Variants in TRAPPC3L observed in about 807,000 individuals in gnomAD.
TRAPPC3L encodes trafficking protein particle complex subunit 3-like protein.
Under a neutral mutation model 23.7 loss-of-function variants are expected in TRAPPC3L, and 23 were observed. The ratio of observed to expected loss-of-function variants is 0.97; its 90% CI spans 0.70 to 1.37. The LOEUF (loss-of-function observed/expected upper bound fraction) is 1.37. Ranked by LOEUF, TRAPPC3L falls within the 40% of genes most tolerant of loss-of-function variation. The pLI, the probability that TRAPPC3L is intolerant of heterozygous loss-of-function variation, is 0.00. For missense variants in TRAPPC3L, 212 were observed against 216.8 expected (o/e 0.98, Z 0.14); for synonymous variants, 81 against 77.9 (o/e 1.04, Z -0.21).
intron 3 of TRAPPC3L, among the ~76,000 whole-genome samples, chr6:116,528,209 AG>A (rs1772506015): frequency 6.6e-6 from 1 of 152,238 alleles, no homozygotes; most frequent in Non-Finnish European, 1.5e-5. Flanking sequence ...TAAAAGTTTA[AG>A]GGTAATTCCT....
chr6:116,501,121 T>A (rs1043277737), intron 3 of TRAPPC3L, among the ~76,000 whole-genome samples: 1 of 152,222 alleles, frequency 6.6e-6, no homozygotes, highest in Non-Finnish European at 1.5e-5. Context: ...TTGGAGGAAC[T>A]GTACACTTCT....
chr6:116,528,811 G>A (rs573627557), intron 3 of TRAPPC3L, among the ~76,000 whole-genome samples: 2 of 152,280 alleles, frequency 1.3e-5, no homozygotes, highest in South Asian at 2.1e-4. Context: ...TTTTAATATA[G>A]TATGTTGAAA....
intron 3 of TRAPPC3L, among the ~76,000 whole-genome samples, chr6:116,535,008 C>A (rs1009989894): frequency 6.6e-6 from 1 of 152,056 alleles, no homozygotes; most frequent in Non-Finnish European, 1.5e-5. Flanking sequence ...TTGACATGGA[C>A]CTGAGAGCAA....
intron 3 of TRAPPC3L, chr6:116,516,211 AG>A: frequency 2.1e-6 from 1 of 475,878 alleles, no homozygotes; most frequent in Non-Finnish European, 3.5e-6. Flanking sequence ...ATTGGTGGAG[AG>A]GGGCTCAGTA....
At chr6:116,508,796 C>G (rs1200130603) in intron 3 of TRAPPC3L, among the ~76,000 whole-genome samples, 1 of 152,132 alleles carries the variant, frequency 6.6e-6, no homozygotes, top group Non-Finnish European at 1.5e-5. Flanking sequence ...ACTTTCACCA[C>G]TTCTATTCAA....
intron 3 of TRAPPC3L, chr6:116,512,213 C>T: frequency 6.2e-7 from 1 of 1,602,822 alleles, no homozygotes; most frequent in Non-Finnish European, 8.5e-7. Context: ...AGAACTGAAA[C>T]TCTCCCTTCA....
At position 116,509,571 on chromosome 6, in the gene TRAPPC3L, G is replaced by A. The variant is rs530246168; in HGVS notation, c.241-8905C>T. On this transcript the variant is annotated intron_variant, in intron 3 of 4. Coordinates refer to ENST00000368602, the MANE Select transcript of TRAPPC3L (RefSeq NM_001139444.3). ...GACAAAGCATACAAAAACATAAACT[G>A]GGGAAAGGACACTGTATCCATTAAA... Among the ~76,000 whole-genome samples the A allele has an allele frequency of 7.2e-5, 11 of 152,214 alleles. No homozygotes were observed. The East Asian group carries it at 2.1e-3, about 29-fold the overall frequency.
intron 3 of TRAPPC3L, chr6:116,516,670 T>A (rs1583271526): frequency 7.6e-5 from 3 of 39,250 alleles, no homozygotes; most frequent in Non-Finnish European, 1.8e-4. Context: ...AATATATATA[T>A]ATATATATAT....
At chr6:116,499,946 T>C (rs368330484) in intron 4 of TRAPPC3L, among the ~76,000 whole-genome samples, 30 of 152,352 alleles carry the variant, frequency 2.0e-4, no homozygotes, top group Middle Eastern at 3.4e-3. Context: ...GTTAAACCAA[T>C]GAATAATTCA....
intron 3 of TRAPPC3L, chr6:116,516,177 G>T: frequency 1.5e-6 from 1 of 678,310 alleles, no homozygotes; most frequent in Non-Finnish European, 2.2e-6. Context: ...AATTGATGCT[G>T]AGGGGTGACA....
At chr6:116,538,345 A>G (rs1296703214) in intron 3 of TRAPPC3L, among the ~76,000 whole-genome samples, 1 of 152,226 alleles carries the variant, frequency 6.6e-6, no homozygotes, top group Admixed American at 6.5e-5. Context: ...CTCTGACCCT[A>G]CATCGTGTGA....
At chr6:116,503,252 C>A (rs1771948245) in intron 3 of TRAPPC3L, among the ~76,000 whole-genome samples, 1 of 151,792 alleles carries the variant, frequency 6.6e-6, no homozygotes, top group Non-Finnish European at 1.5e-5. Flanking sequence ...AGACTTTAAA[C>A]CAACAAAGAT....
intron 3 of TRAPPC3L, among the ~76,000 whole-genome samples, chr6:116,526,859 G>T (rs978819429): frequency 6.6e-6 from 1 of 151,990 alleles, no homozygotes; most frequent in African/African-American, 2.4e-5. Flanking sequence ...GTCCACTTAG[G>T]TTTGTTTTAA....
rs1328153449 is a variant in TRAPPC3L, at chr6:116,495,564, T to C, written c.*1390A>G. On this transcript the variant is annotated 3_prime_UTR_variant, in exon 5 of 5. Coordinates refer to ENST00000368602, the MANE Select transcript of TRAPPC3L (RefSeq NM_001139444.3). ...GGATTGCTGGATCATATGATCATTC[T>C]ATTTTTTGTTTTTTGAGGAACCTCC... 1 of 152,166 alleles carries C rather than the reference T, an allele frequency of 6.6e-6. No individual in the cohort carries two copies. Among genetic ancestry groups the C allele is most frequent in the Non-Finnish European group, 1.5e-5 (1 of 68,032 alleles). The allele number at this position is 152,166 out of a possible 1,614,324, so 9.4% of individuals were successfully genotyped here. A position where few individuals can be genotyped will look rare whatever the true frequency, so the allele number is the denominator to read the frequency against.
intron 3 of TRAPPC3L, among the ~76,000 whole-genome samples, chr6:116,512,559 G>C (rs181211194): frequency 6.6e-6 from 1 of 152,326 alleles, no homozygotes; most frequent in Admixed American, 6.5e-5. Context: ...CATAAATTGA[G>C]TGTTAATGGC....
chr6:116,509,091 T>TAAA (rs56112495), intron 3 of TRAPPC3L, among the ~76,000 whole-genome samples: 42 of 128,008 alleles, frequency 3.3e-4, no homozygotes, highest in Middle Eastern at 3.7e-3. Flanking sequence ...ATAAGAGTTG[T>TAAA]AAAAAAAAAA....
chr6:116,517,068 C>T (rs1260694041), intron 3 of TRAPPC3L: 1 of 152,150 alleles, frequency 6.6e-6, no homozygotes, highest in Non-Finnish European at 1.5e-5. Flanking sequence ...CAGTGTCCTT[C>T]CATGGTGGAA....
At chr6:116,531,921 T>C (rs1362676501) in intron 3 of TRAPPC3L, among the ~76,000 whole-genome samples, 1 of 150,758 alleles carries the variant, frequency 6.6e-6, no homozygotes, top group Admixed American at 6.6e-5. Flanking sequence ...TAAACAATAA[T>C]GGAAAAAACA....
chr6:116,544,594 G>A (rs1367190366), intron 1 of TRAPPC3L, among the ~76,000 whole-genome samples: 1 of 152,100 alleles, frequency 6.6e-6, no homozygotes, highest in Non-Finnish European at 1.5e-5. Context: ...AGTAGGTTAT[G>A]AATGTATCAG....
Sources: gnomAD v4.1 joint callset for allele counts (sites outside exome capture counted in the v4.1 genomes callset) on GRCh38, gnomAD v4.1.1 for gene constraint, MANE v1.5 for transcripts, NCBI Gene and HGNC (gene_info 2026-07-23, HGNC 2026-07-21) for gene names.